The following EHBP1 variants were observed in gnomAD, a reference collection of about 807,000 sequenced individuals.
EHBP1 encodes the protein EH domain-binding protein 1.
EHBP1 carries 55 observed loss-of-function variants against 144.0 expected under a neutral mutation model. The ratio of observed to expected loss-of-function variants is 0.38; its 90% confidence interval spans 0.31 to 0.48. EHBP1 has a LOEUF of 0.48. Ranked by LOEUF, EHBP1 falls within the 20% of genes least tolerant of loss-of-function variation. EHBP1 has a pLI of 0.98. For missense variants in EHBP1, 1,200 were observed against 1,364.2 expected (o/e 0.88, Z 1.90); for synonymous variants, 469 against 472.7 (o/e 0.99, Z 0.10).
chr2:62,808,053 TAA>T (rs748262301), intron 5 of EHBP1, among the ~76,000 whole-genome samples: 17 of 137,732 alleles, frequency 1.2e-4, no homozygotes, highest in Non-Finnish European at 1.7e-4. Flanking sequence ...ACCCTATCTC[TAA>T]AAAAAAAAAA....
intron 5 of EHBP1, among the ~76,000 whole-genome samples, chr2:62,815,159 G>C (rs1323704114): frequency 6.6e-6 from 1 of 152,150 alleles, no homozygotes; most frequent in Non-Finnish European, 1.5e-5. Context: ...TGTAGAAAAA[G>C]TCTAGCATCT....
In EHBP1 at chr2:62,959,068, G is replaced by A. The variant is rs781580457; in HGVS notation, c.2460+3408G>A. ...TCCAGTCCCTGTCTACCACTGTTTC[G>A]CTCTTTGATTCCATGAATCCGACTA... On this transcript the variant is annotated intron_variant, in intron 14 of 22. Coordinates refer to ENST00000431489, the MANE Select transcript of EHBP1 (RefSeq NM_001142616.3). 5.4e-4 allele frequency among the ~76,000 whole-genome samples: 82 copies of A among 152,028 alleles called. 1 individual carries two copies. Among genetic ancestry groups the A allele is most frequent in the Non-Finnish European group, 2.6e-4 (18 of 67,984 alleles).
At chr2:63,004,120 C>T (rs569623750) in intron 19 of EHBP1, among the ~76,000 whole-genome samples, 1 of 152,026 alleles carries the variant, frequency 6.6e-6, no homozygotes, top group South Asian at 2.1e-4. Flanking sequence ...TTTTGACTTC[C>T]ACTTTTCTGT....
intron 9 of EHBP1, among the ~76,000 whole-genome samples, chr2:62,872,887 A>T (rs1027418836): frequency 1.3e-5 from 2 of 152,166 alleles, no homozygotes; most frequent in African/African-American, 4.8e-5. Flanking sequence ...AATTTAAGTT[A>T]GGGATCTCTG....
intron 13 of EHBP1, among the ~76,000 whole-genome samples, chr2:62,950,155 T>A (rs949281770): frequency 3.3e-5 from 5 of 152,036 alleles, no homozygotes; most frequent in African/African-American, 1.2e-4. Flanking sequence ...TGCACAGTTA[T>A]CCTCTGTGCC....
chr2:62,791,528 A>G (rs954545019), intron 5 of EHBP1, among the ~76,000 whole-genome samples: 1 of 152,052 alleles, frequency 6.6e-6, no homozygotes, highest in Non-Finnish European at 1.5e-5. Flanking sequence ...TTTGAATAAT[A>G]TAAGAACATT....
At chr2:62,688,480 G>C (rs1415166548) in intron 1 of EHBP1, among the ~76,000 whole-genome samples, 1 of 151,882 alleles carries the variant, frequency 6.6e-6, no homozygotes, top group Non-Finnish European at 1.5e-5. Context: ...GCTTTGTATT[G>C]GGAACATTCA....
At chr2:62,736,784 T>C (rs1042640938) in intron 2 of EHBP1, among the ~76,000 whole-genome samples, 1 of 152,250 alleles carries the variant, frequency 6.6e-6, no homozygotes, top group Non-Finnish European at 1.5e-5. Flanking sequence ...ATATTAATTA[T>C]AGCTGTTTAA....
Position 62,993,632 on chromosome 2 carries a change from C to T in EHBP1, c.2836C>T (p.Leu946Phe), listed in dbSNP as rs1305476451. The T allele has an allele frequency of 1.2e-6, 2 of 1,608,688 alleles. No homozygotes were observed. The highest frequency in any genetic ancestry group is 2.2e-5 in the East Asian group (1 of 44,738). The change falls in exon 17 of 23, where the codon CTT becomes TTT. Residue 946 changes from leucine to phenylalanine, a missense_variant. By Grantham distance (22) the Leu-to-Phe change is conservative. Transcript: ENST00000431489. ...SKDSTVRKTQLQSFSQYIENR... is the reference protein window; with the variant it reads ...SKDSTVRKTQFQSFSQYIENR... ...AGATTCTACAGTCAGAAAAACTCAACTTCAGTCTTTCAGCCAATATATTGA... is the reference window on the plus strand; with the variant it reads ...AGATTCTACAGTCAGAAAAACTCAATTTCAGTCTTTCAGCCAATATATTGA...
chr2:62,965,486 T>G (rs2058206677), intron 14 of EHBP1, among the ~76,000 whole-genome samples: 1 of 152,208 alleles, frequency 6.6e-6, no homozygotes, highest in East Asian at 1.9e-4. Flanking sequence ...AAAGTAGATA[T>G]TCCCATACTT....
chr2:62,720,407 A>G (rs910190454), intron 2 of EHBP1, among the ~76,000 whole-genome samples: 1 of 152,040 alleles, frequency 6.6e-6, no homozygotes, highest in Non-Finnish European at 1.5e-5. Flanking sequence ...TCTTCCAACC[A>G]TTTCCCTTAA....
chr2:62,894,302 A>C (rs1320441488), intron 10 of EHBP1, among the ~76,000 whole-genome samples: 2 of 152,232 alleles, frequency 1.3e-5, no homozygotes, highest in Admixed American at 1.3e-4. Flanking sequence ...CTAGTGTGCC[A>C]TAAGAGCATT....
At chr2:62,858,527 CCTT>C (rs1463216232) in intron 7 of EHBP1, 2 of 1,547,880 alleles carry the variant, frequency 1.3e-6, no homozygotes, top group African/African-American at 2.7e-5. Flanking sequence ...GAGCTTTCCT[CCTT>C]TCTTTCTGCT....
chr2:62,985,372 A>T (rs2059141297), intron 15 of EHBP1, among the ~76,000 whole-genome samples: 1 of 152,204 alleles, frequency 6.6e-6, no homozygotes. Context: ...TATAAAAGAC[A>T]TAAGCTTCAG....
chr2:62,978,430 T>C (rs2058813237), intron 14 of EHBP1, among the ~76,000 whole-genome samples: 1 of 152,094 alleles, frequency 6.6e-6, no homozygotes, highest in Non-Finnish European at 1.5e-5. Flanking sequence ...CTCAATCTCT[T>C]GACCTTGTGA....
Position 63,045,315 on chromosome 2 carries a change from G to C in EHBP1, c.3393-95G>C. Reference sequence around the variant, plus strand: ...GGCCTGGTGCTCCCCATTCCCGCTGGGGATCCAAATACTGGGCGACGGGGG... The same window carrying C: ...GGCCTGGTGCTCCCCATTCCCGCTGCGGATCCAAATACTGGGCGACGGGGG... On this transcript the variant is annotated intron_variant, in intron 22 of 22. Coordinates refer to ENST00000431489, the MANE Select transcript of EHBP1 (RefSeq NM_001142616.3). This position sits in a 1 kb window ranked among gnomAD's most constrained non-coding sequence, Gnocchi z 5.7. The C allele has an allele frequency of 2.1e-6, 3 of 1,403,344 alleles. No homozygotes were observed. The highest frequency in any genetic ancestry group is 3.0e-6 in the Non-Finnish European group (3 of 1,004,732). The allele number at this position is 1,403,344 out of a possible 1,614,324, so 86.9% of individuals were successfully genotyped here.
At chr2:62,727,178 A>G (rs2151977349) in intron 2 of EHBP1, among the ~76,000 whole-genome samples, 1 of 152,148 alleles carries the variant, frequency 6.6e-6, no homozygotes, top group South Asian at 2.1e-4. Flanking sequence ...ACTATTTTTA[A>G]AATTATGTCT....
At chr2:62,840,953 C>G (rs1432784312) in intron 7 of EHBP1, among the ~76,000 whole-genome samples, 1 of 152,124 alleles carries the variant, frequency 6.6e-6, no homozygotes, top group Non-Finnish European at 1.5e-5. Context: ...GGATCTAGAA[C>G]TAGAATTACC....
chr2:62,834,190 A>G (rs979417505), intron 7 of EHBP1, among the ~76,000 whole-genome samples: 3 of 152,262 alleles, frequency 2.0e-5, no homozygotes, highest in Non-Finnish European at 4.4e-5. Context: ...TTGAAATGAC[A>G]ACAAAGGATT....
Sources: allele counts gnomAD v4.1 joint callset (sites outside exome capture counted in the v4.1 genomes callset), GRCh38; gene constraint gnomAD v4.1.1; non-coding constraint Gnocchi (gnomAD v3.1); transcripts MANE v1.5; gene names NCBI Gene and HGNC (gene_info 2026-07-23, HGNC 2026-07-21).